The following IL1RAPL2 variants were observed in gnomAD, a reference collection of about 807,000 sequenced individuals.
The protein encoded by IL1RAPL2 is interleukin 1 receptor accessory protein like 2.
IL1RAPL2 carries 3 observed loss-of-function variants against 44.1 expected under a neutral mutation model. The ratio of observed to expected loss-of-function variants is 0.07; its 90% CI spans 0.03 to 0.18. The LOEUF (loss-of-function observed/expected upper bound fraction) is 0.18. IL1RAPL2 is among the 10% of genes least tolerant of loss of function. The probability of loss-of-function intolerance (pLI) is 1.00; values close to 1 mark genes in which losing one functional copy is unlikely to be tolerated. For missense variants in IL1RAPL2, 391 were observed against 496.4 expected, an observed-to-expected ratio of 0.79 and a Z score of 2.02; for synonymous variants, 181 against 178.8, an observed-to-expected ratio of 1.01 and a Z score of -0.10.
rs182010946 is a variant in IL1RAPL2, at chrX:104,585,386, T to A, written c.-20+18335T>A. Among the ~76,000 whole-genome samples the A allele has an allele frequency of 3.3e-3, 81 of 24,775 alleles. 1 individual carries two copies. Among genetic ancestry groups the A allele is most frequent in the East Asian group, 8.2e-3 (5 of 607 alleles). 21.5% of individuals were successfully genotyped at this position (24,775 alleles called of 115,157 possible). A position where few individuals can be genotyped will look rare whatever the true frequency, so the allele number is the denominator to read the frequency against. Reference sequence around the variant, plus strand: ...TTATATATATTATATATAATATATATTATATATAATATATAATATATATAT... The same window carrying A: ...TTATATATATTATATATAATATATAATATATATAATATATAATATATATAT... On this transcript the variant is annotated intron_variant, in intron 1 of 10. Transcript: ENST00000372582.
chrX:104,604,293 GCTC>G (rs925467057), intron 1 of IL1RAPL2, among the ~76,000 whole-genome samples: 2 of 111,540 alleles, frequency 1.8e-5, no homozygotes, highest in African/African-American at 6.5e-5. Context: ...CCTTACAAGA[GCTC>G]CTGAAGGAAG....
chrX:105,522,392 C>A (rs1402541655), intron 6 of IL1RAPL2, among the ~76,000 whole-genome samples: 1 of 112,284 alleles, frequency 8.9e-6, no homozygotes, highest in Non-Finnish European at 1.9e-5. Flanking sequence ...TGAAATTTAG[C>A]CCCATCTGGG....
intron 1 of IL1RAPL2, among the ~76,000 whole-genome samples, chrX:104,593,568 C>T (rs1928708401): frequency 8.9e-6 from 1 of 112,099 alleles, no homozygotes; most frequent in Non-Finnish European, 1.9e-5. Flanking sequence ...GCCCCATCCC[C>T]TATTTTGCAT....
At chrX:105,579,047 G>A (rs1489503258) in intron 6 of IL1RAPL2, among the ~76,000 whole-genome samples, 1 of 111,750 alleles carries the variant, frequency 8.9e-6, no homozygotes, top group Non-Finnish European at 1.9e-5. Context: ...TGGCTTGCAT[G>A]TCTTGTGCAT....
At chrX:104,970,782 GC>G (rs2147721011) in intron 2 of IL1RAPL2, among the ~76,000 whole-genome samples, 1 of 111,864 alleles carries the variant, frequency 8.9e-6, no homozygotes, top group African/African-American at 3.2e-5. Context: ...TAAGGGGGAT[GC>G]AAAAGTGCAG....
At chrX:105,728,848 A>G (rs954528203) in intron 7 of IL1RAPL2, among the ~76,000 whole-genome samples, 1 of 111,484 alleles carries the variant, frequency 9.0e-6, no homozygotes, top group African/African-American at 3.2e-5. Context: ...ACTGTCCTAA[A>G]TATCCCAGAG....
At chrX:105,489,963 A>C (rs2036304134) in intron 6 of IL1RAPL2, among the ~76,000 whole-genome samples, 1 of 108,709 alleles carries the variant, frequency 9.2e-6, no homozygotes, top group Non-Finnish European at 1.9e-5. Flanking sequence ...AAGCAGCTGG[A>C]ATCACAGTCA....
chrX:105,113,344 ACTT>A (rs1284719616), intron 2 of IL1RAPL2, among the ~76,000 whole-genome samples: 2 of 112,280 alleles, frequency 1.8e-5, no homozygotes, highest in African/African-American at 6.5e-5. Context: ...CTCTCTGCTC[ACTT>A]CCTGTACTGT....
chrX:104,937,403 T>C (rs1473729015), intron 2 of IL1RAPL2, among the ~76,000 whole-genome samples: 1 of 112,128 alleles, frequency 8.9e-6, no homozygotes, highest in Non-Finnish European at 1.9e-5. Flanking sequence ...CCCACAGAGC[T>C]TTCAGAGTCT....
At chrX:105,337,629 C>T (rs767157581) in intron 5 of IL1RAPL2, among the ~76,000 whole-genome samples, 2 of 111,816 alleles carry the variant, frequency 1.8e-5, no homozygotes, top group South Asian at 7.5e-4. Context: ...CAGTGGCTCA[C>T]GCCTGTAATC....
chrX:105,183,110 C>T, intron 2 of IL1RAPL2, among the ~76,000 whole-genome samples: 1 of 111,369 alleles, frequency 9.0e-6, no homozygotes, highest in Non-Finnish European at 1.9e-5. Context: ...TCTAGGTCCC[C>T]CAGTGGTGCA....
At chrX:104,795,063 C>T (rs965118553) in intron 2 of IL1RAPL2, among the ~76,000 whole-genome samples, 1 of 111,506 alleles carries the variant, frequency 9.0e-6, no homozygotes, top group Non-Finnish European at 1.9e-5. Context: ...CCAAATAAAC[C>T]TACCTCATAG....
intron 5 of IL1RAPL2, among the ~76,000 whole-genome samples, chrX:105,322,407 C>T (rs1359133864): frequency 5.3e-5 from 6 of 112,319 alleles, no homozygotes; most frequent in African/African-American, 1.6e-4. Flanking sequence ...ATCAGGGTGT[C>T]ACATAGTTGA....
chrX:105,495,918 T>A (rs1382649353), intron 6 of IL1RAPL2, among the ~76,000 whole-genome samples: 1 of 111,502 alleles, frequency 9.0e-6, no homozygotes, highest in Non-Finnish European at 1.9e-5. Flanking sequence ...ACTGGACATG[T>A]TTCATTATAC....
At chrX:104,984,511 C>A (rs1013440940) in intron 2 of IL1RAPL2, among the ~76,000 whole-genome samples, 3 of 111,654 alleles carry the variant, frequency 2.7e-5, no homozygotes, top group Non-Finnish European at 5.6e-5. Flanking sequence ...GTGATTCAGA[C>A]AAATATGATG....
At chrX:104,946,394 A>AAAAAAAAAAAAAC in intron 2 of IL1RAPL2, among the ~76,000 whole-genome samples, 1 of 93,457 alleles carries the variant, frequency 1.1e-5, no homozygotes. Context: ...AAAAAAAAAA[A>AAAAAAAAAAAAAC]AAAAAAAAAA....
intron 6 of IL1RAPL2, among the ~76,000 whole-genome samples, chrX:105,505,376 A>G (rs1378587912): frequency 1.8e-5 from 2 of 111,601 alleles, no homozygotes; most frequent in African/African-American, 3.3e-5. Context: ...TAAATATAAA[A>G]TTACAAATTG....
chrX:105,606,237 G>T (rs1278328354), intron 6 of IL1RAPL2, among the ~76,000 whole-genome samples: 1 of 111,439 alleles, frequency 9.0e-6, no homozygotes, highest in Non-Finnish European at 1.9e-5. Flanking sequence ...TTAAAAATGG[G>T]CTAATGATCT....
chrX:104,926,051 G>A (rs1418394924), intron 2 of IL1RAPL2, among the ~76,000 whole-genome samples: 1 of 112,046 alleles, frequency 8.9e-6, no homozygotes, highest in Non-Finnish European at 1.9e-5. Flanking sequence ...ACCAACAACA[G>A]CAAAGCTGAG....
Sources: gnomAD v4.1 joint callset for allele counts (sites outside exome capture counted in the v4.1 genomes callset) on GRCh38, gnomAD v4.1.1 for gene constraint, MANE v1.5 for transcripts, NCBI Gene and HGNC (gene_info 2026-07-23, HGNC 2026-07-21) for gene names.